CNTNAP4: variants seen among roughly 807,000 people sequenced by gnomAD.
CNTNAP4 encodes the protein contactin-associated protein-like 4.
CNTNAP4 carries 98 observed loss-of-function variants against 148.4 expected under a neutral mutation model. The observed-to-expected ratio is 0.66, with a 90% CI of 0.56 to 0.78. CNTNAP4 has a LOEUF of 0.78. Ranked by LOEUF, CNTNAP4 falls within the 30% of genes least tolerant of loss-of-function variation. CNTNAP4 has a pLI of 0.00. For synonymous variants in CNTNAP4, 730 were observed against 565.1 expected, an observed-to-expected ratio of 1.29 and a Z score of -4.14; for missense variants, 1,935 against 1,565.6, an observed-to-expected ratio of 1.24 and a Z score of -3.98.
chr16:76,444,214 C>A (rs1005953836), intron 4 of CNTNAP4, among the ~76,000 whole-genome samples: 3 of 152,130 alleles, frequency 2.0e-5, no homozygotes, highest in African/African-American at 7.2e-5. Flanking sequence ...GATATAGTTT[C>A]TACCAGACAG....
intron 8 of CNTNAP4, among the ~76,000 whole-genome samples, chr16:76,459,057 GAGA>G (rs947289139): frequency 1.8e-4 from 27 of 152,092 alleles, no homozygotes; most frequent in African/African-American, 6.3e-4. Flanking sequence ...CAGATAGTTT[GAGA>G]AGAACTGTTG....
intron 9 of CNTNAP4, among the ~76,000 whole-genome samples, chr16:76,464,017 T>C (rs1029470695): frequency 8.5e-5 from 13 of 152,216 alleles, no homozygotes; most frequent in Non-Finnish European, 1.5e-4. Flanking sequence ...TGAGATTCTA[T>C]TGGTCATTAA....
At chr16:76,473,569 C>T (rs574369752) in intron 10 of CNTNAP4, among the ~76,000 whole-genome samples, 78 of 152,112 alleles carry the variant, frequency 5.1e-4, no homozygotes, top group Non-Finnish European at 8.8e-4. Context: ...GTCAGGAGAT[C>T]GAGACCATCC....
In CNTNAP4 at chr16:76,498,652, G is replaced by C; in HGVS notation, c.2323G>C (p.Glu775Gln). The change falls in exon 15 of 24, where the codon GAA becomes CAA. Residue 775 changes from glutamate to glutamine, a missense_variant. Physicochemically the swap from Glu to Gln is conservative, Grantham distance 29. Coordinates refer to ENST00000611870, the MANE Select transcript of CNTNAP4 (RefSeq NM_033401.5). ...VITDTGRLHS[E>Q]AAYKLGPLLC... ...TACAGACACAGGCCGACTGCATTCA[G>C]AAGCAGCTTATAAACTGGGGCCTCT... is the stretch of plus-strand genomic sequence containing the variant. 6.2e-7 allele frequency: 1 copy of C among 1,612,964 alleles called. No individual in the cohort carries two copies. The highest frequency in any genetic ancestry group is 8.5e-7 in the Non-Finnish European group (1 of 1,179,404).
intron 9 of CNTNAP4, among the ~76,000 whole-genome samples, chr16:76,464,875 A>G (rs2081121536): frequency 6.6e-6 from 1 of 152,206 alleles, no homozygotes; most frequent in South Asian, 2.1e-4. Flanking sequence ...CATTCTGCTC[A>G]GCTTTTATCA....
chr16:76,470,495 A>ATATATATATATATATATT lies in CNTNAP4; in HGVS notation c.1655+2974_1655+2975insTATATATATATATATTTA, dbSNP rs546770074. Among the ~76,000 whole-genome samples the ATATATATATATATATATT allele has an allele frequency of 2.1e-4, 28 of 133,952 alleles. 3 individuals carry two copies. The highest frequency in any genetic ancestry group is 2.0e-3 in the East Asian group (9 of 4,588). The allele number at this position is 133,952 out of a possible 152,430, so 87.9% of individuals were successfully genotyped here. On this transcript the variant is annotated intron_variant, in intron 10 of 23. Transcript: ENST00000611870. ...GTCTCTACTAATAATATATATATAT[A>ATATATATATATATATATT]TAAAATTAGTCGGGCATGGTGGCAC... is the stretch of plus-strand genomic sequence containing the variant.
intron 10 of CNTNAP4, among the ~76,000 whole-genome samples, chr16:76,475,437 C>A (rs1296177585): frequency 6.6e-6 from 1 of 152,156 alleles, no homozygotes; most frequent in Non-Finnish European, 1.5e-5. Flanking sequence ...TTCTGTTTTG[C>A]ACCTTAGAGC....
intron 1 of CNTNAP4, among the ~76,000 whole-genome samples, chr16:76,307,155 C>A (rs951847148): frequency 6.6e-6 from 1 of 152,008 alleles, no homozygotes; most frequent in Admixed American, 6.6e-5. Flanking sequence ...GCAACTGAAA[C>A]AAATATGTTT....
chr16:76,365,502 G>T (rs8062657), intron 3 of CNTNAP4, among the ~76,000 whole-genome samples: 21,335 of 152,056 alleles, frequency 0.14, 2,103 homozygotes, highest in East Asian at 0.47. Flanking sequence ...TGTAATCCCA[G>T]CACTTTGGGA....
At chr16:76,423,472 A>G (rs2079264710) in intron 3 of CNTNAP4, among the ~76,000 whole-genome samples, 1 of 152,200 alleles carries the variant, frequency 6.6e-6, no homozygotes, top group Non-Finnish European at 1.5e-5. Flanking sequence ...AAAGGAAGAC[A>G]TAAATGTCCC....
In CNTNAP4 at chr16:76,364,970, A is replaced by G. The variant is rs144056095; in HGVS notation, c.390+9459A>G. On this transcript the variant is annotated intron_variant, in intron 3 of 23. Transcript: ENST00000611870. ...TGCCCATGCCTAGGTCCTGAATGGT[A>G]TTGCCTAGGTTTTCTTCTAGGGTTT... Among the ~76,000 whole-genome samples the G allele has an allele frequency of 5.4e-3, 820 of 152,170 alleles. 6 individuals are homozygous for G. Among genetic ancestry groups the G allele is most frequent in the African/African-American group, 0.018 (761 of 41,514 alleles).
intron 2 of CNTNAP4, 39 bp from the exon 3 acceptor site, chr16:76,355,279 C>A (rs1232835545): frequency 6.9e-7 from 1 of 1,442,202 alleles, no homozygotes. Flanking sequence ...AACTAACTTT[C>A]CTTTCTCAAT....
intron 3 of CNTNAP4, among the ~76,000 whole-genome samples, chr16:76,363,975 G>A (rs1473116714): frequency 2.0e-5 from 3 of 151,754 alleles, no homozygotes; most frequent in African/African-American, 4.8e-5. Flanking sequence ...AATACATATG[G>A]CCTGTAATCC....
intron 3 of CNTNAP4, among the ~76,000 whole-genome samples, chr16:76,405,548 A>G (rs1272554307): frequency 6.6e-6 from 1 of 152,064 alleles, no homozygotes; most frequent in Non-Finnish European, 1.5e-5. Flanking sequence ...CAAGCTAGAG[A>G]AAAGAAAACT....
At chr16:76,418,148 T>C (rs941757105) in intron 3 of CNTNAP4, among the ~76,000 whole-genome samples, 12 of 151,678 alleles carry the variant, frequency 7.9e-5, no homozygotes, top group African/African-American at 2.9e-4. Context: ...GTTCAGTGTC[T>C]GTCATTAATA....
At chr16:76,324,087 A>G (rs915635288) in intron 2 of CNTNAP4, among the ~76,000 whole-genome samples, 4 of 152,172 alleles carry the variant, frequency 2.6e-5, no homozygotes, top group African/African-American at 9.7e-5. Flanking sequence ...TAGTCCCTCA[A>G]TAAGAAGGTG....
Position 76,498,564 on chromosome 16 carries a change from T to A in CNTNAP4, c.2238-3T>A. 1 of 1,604,290 alleles carries A rather than the reference T, an allele frequency of 6.2e-7. No individual in the cohort carries two copies. Among genetic ancestry groups the A allele is most frequent in the Non-Finnish European group, 8.5e-7 (1 of 1,176,572 alleles). ...GAATTTTGTTGTTGCTATTGTTTTT[T>A]AGGACCAATGACACTGGATTGCTTG... is the stretch of plus-strand genomic sequence containing the variant. On this transcript the variant is annotated splice_region_variant and splice_polypyrimidine_tract_variant and intron_variant, in intron 14 of 23. Coordinates refer to ENST00000611870, the MANE Select transcript of CNTNAP4 (RefSeq NM_033401.5).
At chr16:76,396,603 G>A (rs2078214379) in intron 3 of CNTNAP4, among the ~76,000 whole-genome samples, 2 of 152,036 alleles carry the variant, frequency 1.3e-5, no homozygotes, top group East Asian at 3.9e-4. Context: ...GAATGACCTT[G>A]TGTGGTGCTG....
chr16:76,447,937 T>C (rs2080310449), intron 4 of CNTNAP4, 75 bp from the exon 5 acceptor site: 6 of 1,068,728 alleles, frequency 5.6e-6, no homozygotes, highest in Non-Finnish European at 8.5e-6. Flanking sequence ...CTTTTCTCAA[T>C]ATATAATGCA....
Sources: allele counts gnomAD v4.1 joint callset (sites outside exome capture counted in the v4.1 genomes callset), GRCh38; gene constraint gnomAD v4.1.1; transcripts MANE v1.5; gene names NCBI Gene and HGNC (gene_info 2026-07-23, HGNC 2026-07-21).